Variants in SLC24A2 observed in about 807,000 individuals in gnomAD.
SLC24A2 encodes the protein solute carrier family 24 member 2.
SLC24A2 carries 36 observed loss-of-function variants against 62.0 expected under a neutral mutation model. The ratio of observed to expected loss-of-function variants is 0.58; its 90% CI spans 0.44 to 0.77. SLC24A2 has a LOEUF of 0.77. SLC24A2 is among the 30% of genes least tolerant of loss of function. The pLI is 0.00. For missense variants in SLC24A2, 846 were observed against 817.9 expected, an observed-to-expected ratio of 1.03 and a Z score of -0.42; for synonymous variants, 358 against 294.0, an observed-to-expected ratio of 1.22 and a Z score of -2.23.
At chr9:19,649,431 A>G (rs1329680754) in intron 2 of SLC24A2, among the ~76,000 whole-genome samples, 1 of 152,160 alleles carries the variant, frequency 6.6e-6, no homozygotes, top group Non-Finnish European at 1.5e-5. Flanking sequence ...ATGTTATACC[A>G]TACTGCTTTT....
chr9:20,230,758 T>C, the SLC24A2 span, among the ~76,000 whole-genome samples: 4 of 152,230 alleles, frequency 2.6e-5, no homozygotes, highest in Non-Finnish European at 4.4e-5. Flanking sequence ...TTTGTCAATT[T>C]TGGCTTTTGT....
At chr9:20,191,158 G>C in the SLC24A2 span, among the ~76,000 whole-genome samples, 1 of 115,900 alleles carries the variant, frequency 8.6e-6, no homozygotes, top group South Asian at 3.8e-4. Flanking sequence ...ATGTTTTCCG[G>C]ACCTTTTTTT....
At chr9:20,242,538 G>C in the SLC24A2 span, among the ~76,000 whole-genome samples, 1 of 152,288 alleles carries the variant, frequency 6.6e-6, no homozygotes, top group South Asian at 2.1e-4. Flanking sequence ...CCAAGTCAGG[G>C]CCCCAGCTTT....
Position 19,546,773 on chromosome 9 carries a change from A to C in SLC24A2, c.1479+3364T>G, listed in dbSNP as rs527613172. Reference sequence around the variant, plus strand: ...AACACAAAACTCCTGCAGCTAGCTCAGGGTCTGCCCAAATGGCTACTCAGT... The same window carrying C: ...AACACAAAACTCCTGCAGCTAGCTCCGGGTCTGCCCAAATGGCTACTCAGT... On this transcript the variant is annotated intron_variant, in intron 8 of 10. Coordinates refer to ENST00000341998, the MANE Select transcript of SLC24A2 (RefSeq NM_020344.4). 9.9e-5 allele frequency among the ~76,000 whole-genome samples: 15 copies of C among 151,996 alleles called. No homozygotes were observed. In the East Asian group the frequency reaches 2.9e-3, roughly 29 times the overall value.
At chr9:20,236,176 C>A in the SLC24A2 span, among the ~76,000 whole-genome samples, 2 of 152,284 alleles carry the variant, frequency 1.3e-5, no homozygotes, top group Non-Finnish European at 2.9e-5. Context: ...TGTCTCTGTG[C>A]TAAAGAAATC....
At chr9:20,181,576 T>C in the SLC24A2 span, among the ~76,000 whole-genome samples, 4 of 152,182 alleles carry the variant, frequency 2.6e-5, no homozygotes, top group African/African-American at 9.6e-5. Flanking sequence ...GAAAATTGGC[T>C]ACCGTGTGTA....
the SLC24A2 span, among the ~76,000 whole-genome samples, chr9:20,254,483 C>A: frequency 6.6e-6 from 1 of 152,168 alleles, no homozygotes; most frequent in African/African-American, 2.4e-5. Flanking sequence ...GATGCAGGGG[C>A]AGGATATCCC....
chr9:20,171,435 G>A, the SLC24A2 span, among the ~76,000 whole-genome samples: 1 of 151,982 alleles, frequency 6.6e-6, no homozygotes, highest in Non-Finnish European at 1.5e-5. Context: ...GAATGGATAA[G>A]AATTCACCAA....
chr9:20,129,941 A>G, the SLC24A2 span, among the ~76,000 whole-genome samples: 4 of 150,062 alleles, frequency 2.7e-5, no homozygotes, highest in Non-Finnish European at 6.0e-5. Flanking sequence ...ACACACACAC[A>G]CACACACACA....
intron 2 of SLC24A2, among the ~76,000 whole-genome samples, chr9:19,661,372 G>C (rs1313851723): frequency 6.6e-6 from 1 of 152,002 alleles, no homozygotes; most frequent in Non-Finnish European, 1.5e-5. Context: ...TGACATCTCT[G>C]CATAAACTAC....
At chr9:19,564,792 T>G (rs1419567919) in intron 7 of SLC24A2, among the ~76,000 whole-genome samples, 5 of 152,170 alleles carry the variant, frequency 3.3e-5, no homozygotes, top group Non-Finnish European at 7.4e-5. Context: ...TCTAAGGAAT[T>G]TGCAAGTCTC....
intron 7 of SLC24A2, among the ~76,000 whole-genome samples, chr9:19,551,542 G>A (rs910572990): frequency 1.3e-5 from 2 of 152,148 alleles, no homozygotes; most frequent in East Asian, 1.9e-4. Flanking sequence ...AGTGGACCAC[G>A]CATCAGATCT....
chr9:20,057,920 G>C, the SLC24A2 span, among the ~76,000 whole-genome samples: 41 of 152,290 alleles, frequency 2.7e-4, no homozygotes, highest in African/African-American at 9.4e-4. Flanking sequence ...CTGCAGTTCA[G>C]TAGGCTATCA....
the SLC24A2 span, among the ~76,000 whole-genome samples, chr9:19,966,521 TAAAC>T: frequency 1.3e-5 from 2 of 152,184 alleles, no homozygotes; most frequent in Non-Finnish European, 2.9e-5. Flanking sequence ...ATTCAAATCT[TAAAC>T]AGAGAAAAAT....
chr9:20,084,521 T>A, the SLC24A2 span, among the ~76,000 whole-genome samples: 2 of 129,658 alleles, frequency 1.5e-5, no homozygotes, highest in Non-Finnish European at 3.2e-5. Context: ...CCCACCCCTC[T>A]CCTTTTTTCT....
the SLC24A2 span, among the ~76,000 whole-genome samples, chr9:19,823,654 CAAAA>C: frequency 1.3e-5 from 2 of 151,744 alleles, no homozygotes; most frequent in African/African-American, 2.4e-5. Flanking sequence ...CAAAACAAAA[CAAAA>C]CACATCAGAC....
chr9:20,027,168 A>G, the SLC24A2 span, among the ~76,000 whole-genome samples: 2 of 152,026 alleles, frequency 1.3e-5, no homozygotes, highest in African/African-American at 4.8e-5. Context: ...CAAAGATAGC[A>G]TGGAGAAAAG....
chr9:20,199,866 C>A, the SLC24A2 span, among the ~76,000 whole-genome samples: 2 of 151,354 alleles, frequency 1.3e-5, no homozygotes, highest in African/African-American at 4.9e-5. Flanking sequence ...TTACAGGCAC[C>A]CACCATTATG....
At chr9:19,907,868 A>C in the SLC24A2 span, among the ~76,000 whole-genome samples, 3 of 152,220 alleles carry the variant, frequency 2.0e-5, no homozygotes, top group Admixed American at 6.5e-5. Flanking sequence ...TTCCATGCTC[A>C]TGGGTAGGAA....
Sources: allele counts gnomAD v4.1 joint callset (sites outside exome capture counted in the v4.1 genomes callset), GRCh38; gene constraint gnomAD v4.1.1; transcripts MANE v1.5; gene names NCBI Gene and HGNC (gene_info 2026-07-23, HGNC 2026-07-21).